UTRN: variants seen among roughly 807,000 people sequenced by gnomAD.
The protein encoded by UTRN is dystrophin-related protein 1.
In UTRN, 283 loss-of-function variants were observed where a neutral mutation model predicts 463.9. The observed-to-expected ratio is 0.61, with a 90% CI of 0.55 to 0.67. UTRN has a LOEUF of 0.67. Ranked by LOEUF, UTRN falls within the 30% of genes least tolerant of loss-of-function variation. The pLI is 0.00. For missense variants in UTRN, 3,922 were observed against 4,084.3 expected, an observed-to-expected ratio of 0.96 and a Z score of 1.08; for synonymous variants, 1,442 against 1,431.5, an observed-to-expected ratio of 1.01 and a Z score of -0.17.
intron 2 of UTRN, among the ~76,000 whole-genome samples, chr6:144,321,887 C>T (rs1431720960): frequency 6.6e-6 from 1 of 152,050 alleles, no homozygotes; most frequent in African/African-American, 2.4e-5. Flanking sequence ...CCTCGGCCTC[C>T]CGAGTAGCTG....
intron 51 of UTRN, among the ~76,000 whole-genome samples, chr6:144,667,380 A>G (rs1020223435): frequency 2.0e-5 from 3 of 152,118 alleles, no homozygotes; most frequent in African/African-American, 7.2e-5. Flanking sequence ...CTTCTCTTCA[A>G]TGTGAAAGGA....
At chr6:144,460,437 C>T (rs1027102943) in intron 21 of UTRN, among the ~76,000 whole-genome samples, 2 of 152,226 alleles carry the variant, frequency 1.3e-5, no homozygotes, top group Admixed American at 1.3e-4. Flanking sequence ...TGTGTGCATG[C>T]TAGGCAAATG....
chr6:144,800,740 C>T (rs1340384586), intron 64 of UTRN, among the ~76,000 whole-genome samples: 2 of 151,930 alleles, frequency 1.3e-5, no homozygotes, highest in Non-Finnish European at 2.9e-5. Context: ...TTGTTACTAC[C>T]AATAACATCA....
At chr6:144,833,077 C>T (rs991806059) in intron 69 of UTRN, among the ~76,000 whole-genome samples, 3 of 152,222 alleles carry the variant, frequency 2.0e-5, no homozygotes, top group Admixed American at 2.0e-4. Context: ...ATCTCGACCT[C>T]CCAAAGTGCT....
chr6:144,446,882 T>C (rs1441174275), intron 14 of UTRN, among the ~76,000 whole-genome samples: 1 of 152,232 alleles, frequency 6.6e-6, no homozygotes, highest in East Asian at 1.9e-4. Context: ...TACTTCTGCC[T>C]CTAGGAAGTT....
At chr6:144,551,106 G>A (rs1798867469) in intron 48 of UTRN, 24 bp downstream of exon 48, 5 of 1,475,320 alleles carry the variant, frequency 3.4e-6, no homozygotes, top group Non-Finnish European at 3.7e-6. Context: ...AAAAAGTTAT[G>A]TATTATCATC....
chr6:144,569,790 A>G (rs1248071802), intron 50 of UTRN, among the ~76,000 whole-genome samples: 1 of 152,164 alleles, frequency 6.6e-6, no homozygotes, highest in Non-Finnish European at 1.5e-5. Context: ...ATTTCATCCC[A>G]GGAGTCCTTA....
At chr6:144,785,140 A>C (rs965593834) in intron 61 of UTRN, among the ~76,000 whole-genome samples, 2 of 152,198 alleles carry the variant, frequency 1.3e-5, no homozygotes, top group African/African-American at 4.8e-5. Context: ...TCTACCCTCC[A>C]ATTAGGACAT....
chr6:144,695,088 T>C (rs1398566981), intron 52 of UTRN, among the ~76,000 whole-genome samples: 1 of 152,204 alleles, frequency 6.6e-6, no homozygotes, highest in Non-Finnish European at 1.5e-5. Context: ...CTAAAGTTGA[T>C]ATTAAAGTTT....
At chr6:144,835,979 T>G in intron 70 of UTRN, 41 bp downstream of exon 70, 1 of 1,601,074 alleles carries the variant, frequency 6.2e-7, no homozygotes, top group Non-Finnish European at 8.5e-7. Flanking sequence ...CATCCTTTCT[T>G]TTGTATGAAT....
intron 2 of UTRN, among the ~76,000 whole-genome samples, chr6:144,326,673 A>C (rs1225930538): frequency 2.0e-5 from 3 of 152,062 alleles, no homozygotes. Flanking sequence ...TCTTTCCAAC[A>C]TTTTCTGGCT....
chr6:144,492,236 C>T (rs1471539952), intron 32 of UTRN, among the ~76,000 whole-genome samples: 1 of 152,066 alleles, frequency 6.6e-6, no homozygotes. Flanking sequence ...CATGTGTGCC[C>T]ATTGTTTAAC....
chr6:144,766,120 C>A, intron 58 of UTRN, among the ~76,000 whole-genome samples: 1 of 152,030 alleles, frequency 6.6e-6, no homozygotes, highest in East Asian at 1.9e-4. Flanking sequence ...GACACACACA[C>A]ACCCACACCC....
chr6:144,700,052 A>AT, intron 52 of UTRN, 35 bp from the exon 53 acceptor site: 1 of 1,540,446 alleles, frequency 6.5e-7, no homozygotes, highest in Non-Finnish European at 8.8e-7. Context: ...GCATTTCTAA[A>AT]TGTGGTTATT....
At chr6:144,680,831 A>C (rs973464981) in intron 52 of UTRN, among the ~76,000 whole-genome samples, 1 of 152,202 alleles carries the variant, frequency 6.6e-6, no homozygotes, top group Non-Finnish European at 1.5e-5. Flanking sequence ...CTGTGTTGAT[A>C]TGAAAATCAA....
chr6:144,736,049 TTTGTTG>T (rs1442031557), intron 54 of UTRN, among the ~76,000 whole-genome samples: 1 of 152,218 alleles, frequency 6.6e-6, no homozygotes, highest in Non-Finnish European at 1.5e-5. Flanking sequence ...TATGGTTTTT[TTTGTTG>T]TTGTTTGTTT....
At chr6:144,721,248 G>A (rs575023310) in intron 53 of UTRN, among the ~76,000 whole-genome samples, 5 of 152,262 alleles carry the variant, frequency 3.3e-5, no homozygotes, top group East Asian at 3.9e-4. Context: ...GTCTTGCTCC[G>A]TCGCCTAGGC....
intron 53 of UTRN, among the ~76,000 whole-genome samples, chr6:144,709,289 T>C (rs1586144682): frequency 6.6e-6 from 1 of 152,362 alleles, no homozygotes; most frequent in African/African-American, 2.4e-5. Flanking sequence ...ACCAATTTTT[T>C]CAGATATGTT....
rs1777194763 is a variant in UTRN, at chr6:144,342,296, A to G, written c.79+50389A>G. On this transcript the variant is annotated intron_variant, in intron 2 of 74. Coordinates refer to ENST00000367545, the MANE Select transcript of UTRN (RefSeq NM_007124.3). ...CTGGCAGTTCTTCCAAAGGTTAAGC[A>G]TAGGGTTGCCATATGACTCAGCAAT... Among the ~76,000 whole-genome samples, 2 of 152,078 alleles carry G rather than the reference A, an allele frequency of 1.3e-5. 1 individual carries two copies. The highest frequency in any genetic ancestry group is 3.9e-4 in the East Asian group (2 of 5,168).
Sources: gnomAD v4.1 joint callset for allele counts (sites outside exome capture counted in the v4.1 genomes callset) on GRCh38, gnomAD v4.1.1 for gene constraint, MANE v1.5 for transcripts, NCBI Gene and HGNC (gene_info 2026-07-23, HGNC 2026-07-21) for gene names.